Variants in GLIS3 observed in about 807,000 individuals in gnomAD.
GLIS3 encodes the protein zinc finger protein GLIS3.
Under a neutral mutation model 78.6 loss-of-function variants are expected in GLIS3, and 53 were observed. The ratio of observed to expected loss-of-function variants is 0.67; its 90% CI spans 0.54 to 0.85. GLIS3 has a LOEUF of 0.85. Ranked by LOEUF, GLIS3 falls within the 40% of genes least tolerant of loss-of-function variation. GLIS3 has a pLI of 0.00. For synonymous variants in GLIS3, 684 were observed against 509.9 expected, an observed-to-expected ratio of 1.34 and a Z score of -4.60; for missense variants, 1,703 against 1,231.1, an observed-to-expected ratio of 1.38 and a Z score of -5.74.
intron 4 of GLIS3, among the ~76,000 whole-genome samples, chr9:4,009,796 G>C (rs1423803854): frequency 6.6e-6 from 1 of 152,198 alleles, no homozygotes; most frequent in Non-Finnish European, 1.5e-5. Flanking sequence ...ACCTGGGCAG[G>C]TCCACGTGGA....
chr9:4,255,971 G>A (rs748721969), intron 2 of GLIS3, among the ~76,000 whole-genome samples: 12 of 152,118 alleles, frequency 7.9e-5, no homozygotes, highest in African/African-American at 2.7e-4. Context: ...GGGAGTATAT[G>A]GGAAATCTCT....
At chr9:4,163,234 A>G (rs1835635740) in intron 2 of GLIS3, among the ~76,000 whole-genome samples, 1 of 143,334 alleles carries the variant, frequency 7.0e-6, no homozygotes, top group Non-Finnish European at 1.5e-5. Context: ...ATGTGCACGC[A>G]TGTGCACTGG....
chr9:4,269,363 T>A (rs12000159), intron 2 of GLIS3, among the ~76,000 whole-genome samples: 61,566 of 152,060 alleles, frequency 0.4, 12,733 homozygotes, highest in African/African-American at 0.47. Context: ...TTAAAACCTA[T>A]GTCCACTTTA....
At chr9:4,330,622 G>T (rs549621593) in intron 2 of GLIS3, among the ~76,000 whole-genome samples, 2 of 150,204 alleles carry the variant, frequency 1.3e-5, no homozygotes, top group African/African-American at 4.9e-5. Context: ...GGAGGTGAAG[G>T]TTGGATGGAG....
At chr9:4,029,926 A>G (rs932892761) in intron 4 of GLIS3, among the ~76,000 whole-genome samples, 3 of 152,216 alleles carry the variant, frequency 2.0e-5, no homozygotes, top group East Asian at 3.8e-4. Flanking sequence ...TATCTCTTCA[A>G]TATACTGATT....
intron 2 of GLIS3, among the ~76,000 whole-genome samples, chr9:4,314,728 C>T (rs1817413258): frequency 1.3e-5 from 2 of 152,210 alleles, no homozygotes. Flanking sequence ...CCAGGCAGAA[C>T]TGGGTTTAGA....
chr9:3,896,856 C>T (rs1379057975), intron 7 of GLIS3, among the ~76,000 whole-genome samples: 1 of 151,892 alleles, frequency 6.6e-6, no homozygotes, highest in African/African-American at 2.4e-5. Flanking sequence ...GTATCCTTGC[C>T]CCTTAGGAGG....
At chr9:4,231,971 T>G (rs1587068843) in intron 2 of GLIS3, among the ~76,000 whole-genome samples, 1 of 152,334 alleles carries the variant, frequency 6.6e-6, no homozygotes, top group East Asian at 1.9e-4. Context: ...AACCAATACT[T>G]TTTTTGGGTA....
At chr9:3,993,398 A>G (rs1291289970) in intron 4 of GLIS3, among the ~76,000 whole-genome samples, 2 of 152,240 alleles carry the variant, frequency 1.3e-5, no homozygotes, top group African/African-American at 4.8e-5. Context: ...GTATTTTATG[A>G]AATTTGTTAA....
At chr9:4,267,969 GTGTGTGTA>G (rs1826168175) in intron 2 of GLIS3, among the ~76,000 whole-genome samples, 2 of 145,394 alleles carry the variant, frequency 1.4e-5, no homozygotes, top group African/African-American at 5.2e-5. Flanking sequence ...GTGTGTGTGT[GTGTGTGTA>G]TGTGCATGTG....
At chr9:4,108,546 C>T (rs1830952365) in intron 4 of GLIS3, among the ~76,000 whole-genome samples, 1 of 152,136 alleles carries the variant, frequency 6.6e-6, no homozygotes, top group African/African-American at 2.4e-5. Flanking sequence ...ATTCTCTTGG[C>T]TAATAAATCA....
chr9:3,940,925 C>T (rs192268964), intron 4 of GLIS3, among the ~76,000 whole-genome samples: 4 of 152,206 alleles, frequency 2.6e-5, no homozygotes, highest in Admixed American at 1.3e-4. Flanking sequence ...TACATACTGA[C>T]GCACCCCTGA....
chr9:4,467,792 C>A, the GLIS3 span, among the ~76,000 whole-genome samples: 10 of 152,094 alleles, frequency 6.6e-5, no homozygotes, highest in African/African-American at 2.2e-4. Flanking sequence ...ACGACTCTGA[C>A]GAGTTGAGAG....
intron 2 of GLIS3, among the ~76,000 whole-genome samples, chr9:4,162,033 C>G (rs1835520001): frequency 6.6e-6 from 1 of 152,084 alleles, no homozygotes; most frequent in Non-Finnish European, 1.5e-5. Flanking sequence ...CAGGCTCTCT[C>G]TGTAGCCTCT....
rs540568454 is a variant in GLIS3, at chr9:3,897,756, G to A, written c.2128+935C>T. Among the ~76,000 whole-genome samples, 15 of 152,288 alleles carry A rather than the reference G, an allele frequency of 9.8e-5. No individual in the cohort carries two copies. In the South Asian group the frequency reaches 2.3e-3, roughly 23 times the overall value. ...CTGTCAAATTTAAAACGTTGTACAAGGATGTCTTTCTCCCATTCCACTGCA... is the reference window on the plus strand; with the variant it reads ...CTGTCAAATTTAAAACGTTGTACAAAGATGTCTTTCTCCCATTCCACTGCA... On this transcript the variant is annotated intron_variant, in intron 7 of 10. Transcript: ENST00000381971.
chr9:4,313,091 A>G (rs1444492379), intron 2 of GLIS3, among the ~76,000 whole-genome samples: 1 of 152,198 alleles, frequency 6.6e-6, no homozygotes, highest in Admixed American at 6.5e-5. Flanking sequence ...AAAAGCCTCA[A>G]ACTGAATTCC....
At chr9:4,447,750 G>C in the GLIS3 span, among the ~76,000 whole-genome samples, 1 of 152,262 alleles carries the variant, frequency 6.6e-6, no homozygotes, top group South Asian at 2.1e-4. Flanking sequence ...CAAGGACTCA[G>C]AGGACTTCAT....
At chr9:4,059,833 A>T (rs142539187) in intron 4 of GLIS3, among the ~76,000 whole-genome samples, 2,346 of 52,928 alleles carry the variant, frequency 0.044, 18 homozygotes, top group Admixed American at 0.079. Flanking sequence ...TGTGTGTGAG[A>T]GAGAGAGAGA....
At chr9:3,843,590 G>T (rs143460242) in intron 9 of GLIS3, among the ~76,000 whole-genome samples, 1 of 152,090 alleles carries the variant, frequency 6.6e-6, no homozygotes, top group African/African-American at 2.4e-5. Flanking sequence ...AGTATTTATT[G>T]GGCAATTTCT....
Sources: gnomAD v4.1 joint callset for allele counts (sites outside exome capture counted in the v4.1 genomes callset) on GRCh38, gnomAD v4.1.1 for gene constraint, MANE v1.5 for transcripts, NCBI Gene and HGNC (gene_info 2026-07-23, HGNC 2026-07-21) for gene names.